CEP57L1: variants seen among roughly 807,000 people sequenced by gnomAD.
CEP57L1 encodes the protein centrosomal protein CEP57L1.
A neutral mutation model predicts 61.0 loss-of-function variants in CEP57L1; 37 were observed. The observed-to-expected ratio is 0.61, with a 90% CI of 0.47 to 0.80. CEP57L1 has a LOEUF of 0.80. Among genes scored for constraint, CEP57L1 ranks in the 30% least tolerant of loss-of-function variants. The probability of loss-of-function intolerance (pLI) is 0.00; values close to 1 mark genes in which losing one functional copy is unlikely to be tolerated. For missense variants in CEP57L1, 422 were observed against 524.7 expected, an observed-to-expected ratio of 0.80 and a Z score of 1.91; for synonymous variants, 137 against 162.3, an observed-to-expected ratio of 0.84 and a Z score of 1.19.
At chr6:109,158,362 A>C (rs1773415344) in intron 7 of CEP57L1, 1 of 257,618 alleles carries the variant, frequency 3.9e-6, no homozygotes, top group Non-Finnish European at 7.6e-6. Context: ...AGTGGCACAC[A>C]CCTGTAATCC....
intron 9 of CEP57L1, among the ~76,000 whole-genome samples, chr6:109,159,669 C>T (rs555397692): frequency 3.6e-4 from 55 of 152,178 alleles, no homozygotes; most frequent in Non-Finnish European, 6.8e-4. Flanking sequence ...GTCTTAAGAA[C>T]AATACCACTT....
intron 1 of CEP57L1, among the ~76,000 whole-genome samples, chr6:109,135,232 CAG>C (rs1308551504): frequency 6.6e-6 from 1 of 152,114 alleles, no homozygotes; most frequent in Non-Finnish European, 1.5e-5. Flanking sequence ...ACCAATGGAA[CAG>C]AACAGAGCCG....
At chr6:109,159,154 G>A (rs779538029) in intron 8 of CEP57L1, 52 bp downstream of exon 8, 1 of 1,613,814 alleles carries the variant, frequency 6.2e-7, no homozygotes, top group South Asian at 1.1e-5. Flanking sequence ...CTGTTTTGTT[G>A]TAAGTGCTAT....
At chr6:109,111,823 C>T (rs540977873) in intron 1 of CEP57L1, among the ~76,000 whole-genome samples, 2 of 152,188 alleles carry the variant, frequency 1.3e-5, no homozygotes, top group East Asian at 1.9e-4. Flanking sequence ...CGATGGATTA[C>T]GTTTCTTGAT....
In CEP57L1 at chr6:109,155,243, A is replaced by G. The variant is rs1583647416; in HGVS notation, c.593A>G (p.His198Arg). Reference protein sequence around the residue: ...TQKTAEDKIKHLEEKLKEEEH... With the variant: ...TQKTAEDKIKRLEEKLKEEEH... ...ACTCTTTTGCAGGACAAGATTAAACATTTAGAAGAAAAACTTAAGGAAGAA... is the reference window on the plus strand; with the variant it reads ...ACTCTTTTGCAGGACAAGATTAAACGTTTAGAAGAAAAACTTAAGGAAGAA... Residue 198 changes from histidine to arginine, a missense_variant, in exon 6 of 11, where the codon CAT (histidine) becomes CGT (arginine). Transcript: ENST00000517392. The G allele has an allele frequency of 1.3e-6, 2 of 1,584,978 alleles. No homozygotes were observed. Among genetic ancestry groups the G allele is most frequent in the Non-Finnish European group, 1.7e-6 (2 of 1,164,100 alleles).
intron 4 of CEP57L1, among the ~76,000 whole-genome samples, chr6:109,152,571 A>G (rs1236982119): frequency 6.6e-6 from 1 of 151,978 alleles, no homozygotes; most frequent in African/African-American, 2.4e-5. Flanking sequence ...GGTTGCCCCT[A>G]TTATTAATAC....
chr6:109,112,628 G>A (rs778248959), intron 1 of CEP57L1, among the ~76,000 whole-genome samples: 1 of 151,962 alleles, frequency 6.6e-6, no homozygotes, highest in Non-Finnish European at 1.5e-5. Context: ...GATCTTTCCT[G>A]CTTTCTCTTG....
chr6:109,136,699 A>ATTTTT (rs148320370), intron 1 of CEP57L1, among the ~76,000 whole-genome samples: 1 of 109,116 alleles, frequency 9.2e-6, no homozygotes, highest in Non-Finnish European at 2.0e-5. Context: ...TGAAACTTGT[A>ATTTTT]TTTTTATTTT....
intron 1 of CEP57L1, among the ~76,000 whole-genome samples, chr6:109,144,810 G>T (rs1001518983): frequency 1.3e-5 from 2 of 152,038 alleles, no homozygotes; most frequent in African/African-American, 4.8e-5. Context: ...GAGAATCAGT[G>T]TATATTGTTG....
chr6:109,129,512 G>T (rs1773949710), intron 1 of CEP57L1: 1 of 459,524 alleles, frequency 2.2e-6, no homozygotes, highest in African/African-American at 2.0e-5. Context: ...TCTTCTGGCT[G>T]CATGGAAAGA....
rs1774249238 is a variant in CEP57L1 at position 109,168,647 on chromosome 6, G to A, written c.*5677G>A. ...GTCTCGCTCCTTCACCCAGGCTGGA[G>A]TGCAATGGTACAATCTCGTCTCACT... On this transcript the variant is annotated 3_prime_UTR_variant, in exon 11 of 11. Transcript: ENST00000517392. 6.9e-6 allele frequency among the ~76,000 whole-genome samples: 1 copy of A among 145,772 alleles called. No homozygotes were observed. The highest frequency in any genetic ancestry group is 2.5e-5 in the African/African-American group (1 of 39,224).
intron 1 of CEP57L1, among the ~76,000 whole-genome samples, chr6:109,109,083 CT>C (rs1771268831): frequency 6.6e-6 from 1 of 152,150 alleles, no homozygotes; most frequent in African/African-American, 2.4e-5. Flanking sequence ...TTCGTTATTT[CT>C]ATTATCAGTT....
At chr6:109,160,885 T>C in intron 10 of CEP57L1, 169 bp downstream of exon 10, 1 of 517,608 alleles carries the variant, frequency 1.9e-6, no homozygotes, top group Non-Finnish European at 3.2e-6. Context: ...CCCATTGGAA[T>C]AACATGGACC....
chr6:109,122,118 C>A (rs1773042719), intron 1 of CEP57L1, among the ~76,000 whole-genome samples: 2 of 152,140 alleles, frequency 1.3e-5, no homozygotes, highest in Admixed American at 6.5e-5. Flanking sequence ...TTCGCTCTGC[C>A]AGTTATTTGC....
At chr6:109,159,001 C>A (rs373107415) in intron 7 of CEP57L1, 24 bp from the exon 8 acceptor site, 1 of 1,584,240 alleles carries the variant, frequency 6.3e-7, no homozygotes, top group Admixed American at 1.8e-5. Flanking sequence ...TTCTTGTTTA[C>A]GTTTTTTTCT....
At chr6:109,143,717 T>C (rs1328723237) in intron 1 of CEP57L1, among the ~76,000 whole-genome samples, 2 of 152,082 alleles carry the variant, frequency 1.3e-5, no homozygotes, top group Non-Finnish European at 2.9e-5. Flanking sequence ...TGAAATAATA[T>C]TATACTTAGG....
chr6:109,152,651 G>A (rs1772762025), intron 4 of CEP57L1, among the ~76,000 whole-genome samples: 2 of 98,910 alleles, frequency 2.0e-5, no homozygotes, highest in Admixed American at 1.0e-4. Context: ...GTGTGTGTGT[G>A]TGTGTGTGTG....
At chr6:109,141,833 GA>G (rs1237713329) in intron 1 of CEP57L1, among the ~76,000 whole-genome samples, 1 of 151,976 alleles carries the variant, frequency 6.6e-6, no homozygotes, top group Non-Finnish European at 1.5e-5. Flanking sequence ...CATACATAAA[GA>G]AAAAAACAGA....
rs202070350 is a variant in CEP57L1 at position 109,169,226 on chromosome 6, CA to C, written c.*6277del. On this transcript the variant is annotated 3_prime_UTR_variant, in exon 11 of 11. Coordinates refer to ENST00000517392, the MANE Select transcript of CEP57L1 (RefSeq NM_001271852.3). ...GAGCAGCAGAGTGAGGCTCCATCAG[CA>C]AAAAAAAAAAAAAAAAAAAAGATCA... Among the ~76,000 whole-genome samples the C allele has an allele frequency of 1.4e-3, 94 of 67,548 alleles. No individual in the cohort carries two copies. The highest frequency in any genetic ancestry group is 8.3e-3 in the Middle Eastern group (1 of 120). The allele number at this position is 67,548 out of a possible 152,430, so 44.3% of individuals were successfully genotyped here.
Sources: allele counts gnomAD v4.1 joint callset (sites outside exome capture counted in the v4.1 genomes callset), GRCh38; gene constraint gnomAD v4.1.1; transcripts MANE v1.5; gene names NCBI Gene and HGNC (gene_info 2026-07-23, HGNC 2026-07-21).